The following PRSS12 variants were observed in gnomAD, a reference collection of about 807,000 sequenced individuals.
The protein encoded by PRSS12 is serine protease 12.
PRSS12 carries 85 observed loss-of-function variants against 104.4 expected under a neutral mutation model. The ratio of observed to expected loss-of-function variants is 0.81; its 90% CI spans 0.68 to 0.98. The LOEUF is 0.98. Among genes scored for constraint, PRSS12 ranks in the 50% least tolerant of loss-of-function variants. The pLI, the probability that PRSS12 is intolerant of heterozygous loss-of-function variation, is 0.00. For missense variants in PRSS12, 1,141 were observed against 1,139.2 expected, an observed-to-expected ratio of 1.00 and a Z score of -0.02; for synonymous variants, 454 against 425.2, an observed-to-expected ratio of 1.07 and a Z score of -0.83.
chr4:118,298,825 T>G lies in PRSS12; in HGVS notation c.1745A>C (p.Gln582Pro), dbSNP rs762634563. 1.2e-6 allele frequency: 2 copies of G among 1,614,188 alleles called. No individual in the cohort carries two copies. The highest frequency in any genetic ancestry group is 2.2e-5 in the South Asian group (2 of 91,082). The change falls in exon 9 of 13, where the codon CAA becomes CCA. Residue 582 changes from glutamine (Q) to proline (P), a missense_variant. Transcript: ENST00000296498. ...GCGGCAGTTGTGTCTTCCAATATCT[T>G]GCTTGATACAGTCAGCCAAGGACCT... ...NERSLADCIKQDIGRHNCRHS... is the reference protein window; with the variant it reads ...NERSLADCIKPDIGRHNCRHS...
chr4:118,350,161 T>C (rs1724456655), intron 1 of PRSS12, among the ~76,000 whole-genome samples: 1 of 152,214 alleles, frequency 6.6e-6, no homozygotes, highest in East Asian at 1.9e-4. Context: ...AAAGGTCTTT[T>C]AAATTAATTT....
chr4:118,348,091 T>C (rs1010971295), intron 1 of PRSS12, among the ~76,000 whole-genome samples: 69 of 152,096 alleles, frequency 4.5e-4, no homozygotes, highest in African/African-American at 1.7e-3. Flanking sequence ...ATAATAATAA[T>C]AAATTAGCTG....
Position 118,283,216 on chromosome 4 carries a change from C to T in PRSS12, c.2040-105G>A, listed in dbSNP as rs971343843. 5.5e-5 allele frequency: 78 copies of T among 1,405,670 alleles called. No homozygotes were observed. The South Asian group carries it at 8.4e-4, about 15-fold the overall frequency. The allele number at this position is 1,405,670 out of a possible 1,614,324, so 87.1% of individuals were successfully genotyped here. ...CAAGCCTTTCTTCCAAATCATCAGCCCCTTTTGTAAATTCAACCTTTCTTT... is the reference window on the plus strand; with the variant it reads ...CAAGCCTTTCTTCCAAATCATCAGCTCCTTTTGTAAATTCAACCTTTCTTT... On this transcript the variant is annotated intron_variant, in intron 11 of 12. Transcript: ENST00000296498.
intron 2 of PRSS12, among the ~76,000 whole-genome samples, chr4:118,336,761 C>T (rs867045491): frequency 4.9e-4 from 74 of 152,138 alleles, no homozygotes; most frequent in African/African-American, 1.7e-3. Context: ...TCTGATTTTC[C>T]GGGGTAATAA....
intron 1 of PRSS12, among the ~76,000 whole-genome samples, chr4:118,343,096 T>C (rs1234630353): frequency 1.3e-5 from 2 of 152,106 alleles, no homozygotes; most frequent in African/African-American, 4.8e-5. Flanking sequence ...AGCTTTAAGA[T>C]TTAAGACTAA....
chr4:118,320,624 A>G (rs910816286), intron 4 of PRSS12, among the ~76,000 whole-genome samples: 1 of 152,044 alleles, frequency 6.6e-6, no homozygotes, highest in Non-Finnish European at 1.5e-5. Flanking sequence ...GTGGTGGCAC[A>G]CACCTGTGGT....
At chr4:118,323,349 G>A (rs796085803) in intron 4 of PRSS12, among the ~76,000 whole-genome samples, 7 of 152,054 alleles carry the variant, frequency 4.6e-5, no homozygotes, top group African/African-American at 1.4e-4. Context: ...AATTCATTGA[G>A]CCATGATTAG....
At chr4:118,304,297 G>A (rs905724405) in intron 8 of PRSS12, among the ~76,000 whole-genome samples, 1 of 151,760 alleles carries the variant, frequency 6.6e-6, no homozygotes, top group African/African-American at 2.4e-5. Context: ...AAAAAAAACT[G>A]TAAAATTTCT....
chr4:118,349,731 G>A (rs1202076263), intron 1 of PRSS12, among the ~76,000 whole-genome samples: 4 of 152,248 alleles, frequency 2.6e-5, no homozygotes, highest in Middle Eastern at 3.4e-3. Context: ...GGCCGGGAGC[G>A]GTGGCTCACA....
Position 118,319,480 on chromosome 4 carries a change from T to C in PRSS12, c.972-924A>G, listed in dbSNP as rs544941054. Among the ~76,000 whole-genome samples, 58 of 152,262 alleles carry C rather than the reference T, an allele frequency of 3.8e-4. 2 individuals are homozygous for C. The highest frequency in any genetic ancestry group is 3.5e-3 in the Admixed American group (53 of 15,280). Reference sequence around the variant, plus strand: ...GAGCCTAATAAGTTATCTTGGGCCATAGGGTCCCATACTAAGGATGACAGA... The same window carrying C: ...GAGCCTAATAAGTTATCTTGGGCCACAGGGTCCCATACTAAGGATGACAGA... On this transcript the variant is annotated intron_variant, in intron 4 of 12. Transcript: ENST00000296498.
intron 3 of PRSS12, 139 bp downstream of exon 3, chr4:118,335,334 G>A: frequency 1.0e-6 from 1 of 958,006 alleles, no homozygotes; most frequent in South Asian, 1.8e-5. Context: ...CTAATTAGAT[G>A]GTAAAATATT....
intron 6 of PRSS12, 29 bp from the exon 7 acceptor site, chr4:118,313,426 A>G (rs1743812940): frequency 5.6e-6 from 9 of 1,608,994 alleles, no homozygotes; most frequent in Non-Finnish European, 7.7e-6. Flanking sequence ...CACTGTGTAT[A>G]GAACTTCTGT....
At chr4:118,317,083 A>G (rs373186804) in intron 5 of PRSS12, among the ~76,000 whole-genome samples, 1 of 151,860 alleles carries the variant, frequency 6.6e-6, no homozygotes, top group African/African-American at 2.4e-5. Flanking sequence ...CTGAAATAGG[A>G]TGACAGAAAA....
chr4:118,339,927 T>C (rs1724157720), intron 1 of PRSS12, among the ~76,000 whole-genome samples: 1 of 152,230 alleles, frequency 6.6e-6, no homozygotes, highest in South Asian at 2.1e-4. Context: ...ATTATTTCTT[T>C]ACTAATTCCT....
intron 4 of PRSS12, among the ~76,000 whole-genome samples, chr4:118,319,383 T>C (rs1013167940): frequency 6.6e-6 from 1 of 151,984 alleles, no homozygotes; most frequent in Admixed American, 6.6e-5. Context: ...TTCTGACCAG[T>C]GATATTTAGG....
chr4:118,283,578 C>T (rs1193541249), intron 11 of PRSS12, among the ~76,000 whole-genome samples: 3 of 152,168 alleles, frequency 2.0e-5, no homozygotes, highest in African/African-American at 7.2e-5. Flanking sequence ...TCCCTTTCCT[C>T]TAAAGTGAAT....
chr4:118,344,609 T>C (rs535621869), intron 1 of PRSS12, among the ~76,000 whole-genome samples: 10 of 152,286 alleles, frequency 6.6e-5, no homozygotes, highest in African/African-American at 1.2e-4. Flanking sequence ...TTCACATCTA[T>C]AATTCATACT....
intron 4 of PRSS12, among the ~76,000 whole-genome samples, chr4:118,321,846 T>C (rs943436901): frequency 2.6e-5 from 4 of 152,200 alleles, no homozygotes; most frequent in South Asian, 4.1e-4. Flanking sequence ...TATTTTAAAG[T>C]AAATTTCAAA....
At chr4:118,345,610 T>C (rs2126045510) in intron 1 of PRSS12, among the ~76,000 whole-genome samples, 1 of 152,308 alleles carries the variant, frequency 6.6e-6, no homozygotes, top group South Asian at 2.1e-4. Context: ...AGCATTCTCA[T>C]CAATTATGGA....
Sources: allele counts gnomAD v4.1 joint callset (sites outside exome capture counted in the v4.1 genomes callset), GRCh38; gene constraint gnomAD v4.1.1; transcripts MANE v1.5; gene names NCBI Gene and HGNC (gene_info 2026-07-23, HGNC 2026-07-21).